HEPHL1: variants seen among roughly 807,000 people sequenced by gnomAD.
The protein encoded by HEPHL1 is ferroxidase HEPHL1.
A neutral mutation model predicts 122.0 loss-of-function variants in HEPHL1; 123 were observed. The observed-to-expected ratio is 1.01, with a 90% CI of 0.87 to 1.17. The LOEUF (loss-of-function observed/expected upper bound fraction) is 1.17. Among genes scored for constraint, HEPHL1 ranks in the 50% most tolerant of loss-of-function variants. The pLI is 0.00. For synonymous variants in HEPHL1, 527 were observed against 508.9 expected (o/e 1.04, Z -0.48); for missense variants, 1,452 against 1,430.5 (o/e 1.01, Z -0.24).
chr11:94,058,241 C>A (rs748127811), intron 2 of HEPHL1, among the ~76,000 whole-genome samples: 1 of 152,056 alleles, frequency 6.6e-6, no homozygotes, highest in Non-Finnish European at 1.5e-5. Flanking sequence ...ATAAACATTG[C>A]TATATGTTTT....
intron 6 of HEPHL1, among the ~76,000 whole-genome samples, chr11:94,072,679 G>A (rs1946085263): frequency 6.6e-6 from 1 of 151,780 alleles, no homozygotes; most frequent in South Asian, 2.1e-4. Context: ...AGAGAGAGAG[G>A]GATGCTTATT....
rs908011127 is a variant in HEPHL1, at chr11:94,038,152, A to T, written c.171-7521A>T. 9.8e-3 allele frequency among the ~76,000 whole-genome samples: 1,475 copies of T among 151,128 alleles called. 24 individuals carry two copies. The highest frequency in any genetic ancestry group is 0.034 in the African/African-American group (1,381 of 40,976). The stretch of plus-strand genomic sequence containing the variant: ...AAGATGAAATGAATGAAATGAAGTG[A>T]GAAGGGAAGTTTAGAGAAAAAAGAA... On this transcript the variant is annotated intron_variant, in intron 1 of 19. Transcript: ENST00000315765.
chr11:94,073,948 A>C (rs551868697), intron 8 of HEPHL1, among the ~76,000 whole-genome samples: 1 of 152,290 alleles, frequency 6.6e-6, no homozygotes, highest in South Asian at 2.1e-4. Context: ...GCCTCTCCCC[A>C]TCACAGAGTA....
At chr11:94,044,660 T>C (rs1376387629) in intron 1 of HEPHL1, among the ~76,000 whole-genome samples, 2 of 152,180 alleles carry the variant, frequency 1.3e-5, no homozygotes, top group Admixed American at 6.5e-5. Context: ...GTTGTCCCAC[T>C]TAGTGTCCTC....
intron 1 of HEPHL1, among the ~76,000 whole-genome samples, chr11:94,037,213 G>T (rs1428470139): frequency 2.0e-5 from 3 of 152,274 alleles, no homozygotes; most frequent in East Asian, 1.9e-4. Flanking sequence ...GGCTCAGAGG[G>T]TCCTACGCCC....
chr11:94,112,136 T>C lies in HEPHL1; in HGVS notation c.*242T>C. 2.9e-6 allele frequency: 1 copy of C among 348,402 alleles called. No individual in the cohort carries two copies. Among genetic ancestry groups the C allele is most frequent in the Non-Finnish European group, 5.1e-6 (1 of 195,078 alleles). 21.6% of individuals were successfully genotyped at this position (348,402 alleles called of 1,614,324 possible). On this transcript the variant is annotated 3_prime_UTR_variant, in exon 20 of 20. Coordinates refer to ENST00000315765, the MANE Select transcript of HEPHL1 (RefSeq NM_001098672.2). ...AAAGGAGAATGGGCATGGCTGAGAA[T>C]GTCAACTCTTAGTCTATTCTTTGGT... is the stretch of plus-strand genomic sequence containing the variant.
chr11:94,086,095 A>G lies in HEPHL1; in HGVS notation c.1986A>G (p.Gln662=), dbSNP rs1366674717. ...CTGACATGCATGGAATTGTTTTTCAAGGGAACACCATCCACCTACGAGGGA... is the reference window on the plus strand; with the variant it reads ...CTGACATGCATGGAATTGTTTTTCAGGGGAACACCATCCACCTACGAGGGA... The part of the protein sequence containing the change: ...TDTDMHGIVF[Q]GNTIHLRGTH... The change falls in exon 11 of 20, where the codon CAA becomes CAG. Residue 662 remains glutamine (Q), a synonymous_variant. Coordinates refer to ENST00000315765, the MANE Select transcript of HEPHL1 (RefSeq NM_001098672.2). 1.2e-6 allele frequency: 2 copies of G among 1,613,772 alleles called. No individual in the cohort carries two copies. Among genetic ancestry groups the G allele is most frequent in the South Asian group, 2.2e-5 (2 of 91,052 alleles).
intron 5 of HEPHL1, among the ~76,000 whole-genome samples, chr11:94,069,092 G>C (rs1298062891): frequency 6.6e-6 from 1 of 152,170 alleles, no homozygotes; most frequent in African/African-American, 2.4e-5. Context: ...GTCTTATGCT[G>C]TTAAATCTGG....
chr11:94,035,019 G>A (rs972653520), intron 1 of HEPHL1, among the ~76,000 whole-genome samples: 5 of 152,146 alleles, frequency 3.3e-5, no homozygotes, highest in African/African-American at 9.7e-5. Flanking sequence ...ATCTTCAGTG[G>A]CTCTTAGTTG....
intron 15 of HEPHL1, among the ~76,000 whole-genome samples, chr11:94,103,955 T>C (rs1946389600): frequency 6.6e-6 from 1 of 152,162 alleles, no homozygotes; most frequent in African/African-American, 2.4e-5. Flanking sequence ...CACCAAATAC[T>C]ATGAGAGATG....
intron 1 of HEPHL1, among the ~76,000 whole-genome samples, chr11:94,026,022 A>G (rs1277480431): frequency 6.6e-6 from 1 of 152,220 alleles, no homozygotes; most frequent in Non-Finnish European, 1.5e-5. Flanking sequence ...AGAAGAATCC[A>G]GAAGTGGGCA....
At chr11:94,101,130 T>C (rs988969155) in intron 13 of HEPHL1, 65 bp from the exon 14 acceptor site, 9 of 1,546,942 alleles carry the variant, frequency 5.8e-6, no homozygotes, top group Admixed American at 1.9e-5. Flanking sequence ...CTACTGCCTA[T>C]ATTTAAATTA....
chr11:94,063,342 G>C lies in HEPHL1; in HGVS notation c.416-166G>C, dbSNP rs2222223. On this transcript the variant is annotated intron_variant, in intron 2 of 19. Coordinates refer to ENST00000315765, the MANE Select transcript of HEPHL1 (RefSeq NM_001098672.2). ...TATCAACATTTCAGTTTTACTGATA[G>C]AGAACAGAGACATTGAGAATTTAAG... 5.2e-3 allele frequency among the ~76,000 whole-genome samples: 786 copies of C among 152,230 alleles called. 7 individuals are homozygous for C. The highest frequency in any genetic ancestry group is 0.017 in the African/African-American group (727 of 41,554).
Position 94,093,601 on chromosome 11 carries a change from A to G in HEPHL1, c.2395A>G (p.Lys799Glu), listed in dbSNP as rs1946280252. ...TACGGATGGAGAATTTGTGGAGATC[A>G]AAGCCCGACCACCACGAGAGGAGCA... is the stretch of plus-strand genomic sequence containing the variant. ...EYTDGEFVEI[K>E]ARPPREEHLE... is the part of the protein sequence containing the mutation. Residue 799 changes from lysine to glutamate, a missense_variant, in exon 13 of 20, where the codon AAA becomes GAA. Physicochemically the swap from Lys to Glu is moderately conservative, Grantham distance 56. Coordinates refer to ENST00000315765, the MANE Select transcript of HEPHL1 (RefSeq NM_001098672.2). 1 of 1,613,668 alleles carries G rather than the reference A, an allele frequency of 6.2e-7. No homozygotes were observed. The highest frequency in any genetic ancestry group is 1.1e-5 in the South Asian group (1 of 91,050).
intron 2 of HEPHL1, among the ~76,000 whole-genome samples, chr11:94,050,886 G>T (rs992290266): frequency 6.6e-6 from 1 of 151,752 alleles, no homozygotes; most frequent in South Asian, 2.1e-4. Flanking sequence ...TTAATTTTTA[G>T]TTCCCACAAA....
In HEPHL1 at chr11:94,044,450, C is replaced by A. The variant is rs147408058; in HGVS notation, c.171-1223C>A. Among the ~76,000 whole-genome samples, 688 of 152,242 alleles carry A rather than the reference C, an allele frequency of 4.5e-3. 4 individuals are homozygous for A. The highest frequency in any genetic ancestry group is 0.015 in the African/African-American group (636 of 41,546). On this transcript the variant is annotated intron_variant, in intron 1 of 19. Transcript: ENST00000315765. ...CTTGAACACATGATTATTATGTCAC[C>A]CATTTTGTGAAAAACCTCAGTGAGT...
intron 17 of HEPHL1, 70 bp from the exon 18 acceptor site, chr11:94,110,833 T>A (rs1946442277): frequency 2.3e-6 from 3 of 1,287,518 alleles, no homozygotes; most frequent in Non-Finnish European, 3.2e-6. Context: ...TTGTTTTTGC[T>A]CTTCTTTCTG....
At chr11:94,043,487 T>G (rs1352983037) in intron 1 of HEPHL1, among the ~76,000 whole-genome samples, 1 of 152,122 alleles carries the variant, frequency 6.6e-6, no homozygotes, top group African/African-American at 2.4e-5. Context: ...AGTCCTGCCC[T>G]AACAACAGCT....
intron 6 of HEPHL1, among the ~76,000 whole-genome samples, chr11:94,072,066 C>A (rs1309325983): frequency 6.6e-6 from 1 of 151,970 alleles, no homozygotes; most frequent in Non-Finnish European, 1.5e-5. Flanking sequence ...AGGTAAATAG[C>A]AATAACAATT....
Sources: gnomAD v4.1 joint callset for allele counts (sites outside exome capture counted in the v4.1 genomes callset) on GRCh38, gnomAD v4.1.1 for gene constraint, MANE v1.5 for transcripts, NCBI Gene and HGNC (gene_info 2026-07-23, HGNC 2026-07-21) for gene names.